Variants in FNBP1 observed in about 807,000 individuals in gnomAD.
FNBP1 encodes formin binding protein 1.
Under a neutral mutation model 90.6 loss-of-function variants are expected in FNBP1, and 26 were observed. The observed-to-expected ratio is 0.29, with a 90% CI of 0.21 to 0.40. FNBP1 has a LOEUF of 0.40. Among genes scored for constraint, FNBP1 ranks in the 10% least tolerant of loss-of-function variants. The pLI is 1.00. For missense variants in FNBP1, 635 were observed against 768.0 expected, an observed-to-expected ratio of 0.83 and a Z score of 2.05; for synonymous variants, 260 against 265.2, an observed-to-expected ratio of 0.98 and a Z score of 0.19.
In FNBP1 at chr9:129,890,866, G is replaced by A. The variant is rs938222542; in HGVS notation, c.1847-320C>T. Among the ~76,000 whole-genome samples the A allele has an allele frequency of 7.9e-5, 12 of 152,170 alleles. No homozygotes were observed. The highest frequency in any genetic ancestry group is 1.5e-4 in the Non-Finnish European group (10 of 68,030). ...TTAGTTTTGAGAGAAAGTAAGAAAC[G>A]GAGGCCGGGGCTGGGCGCCGTGGCT... On this transcript the variant is annotated intron_variant, in intron 16 of 16. Coordinates refer to ENST00000446176, the MANE Select transcript of FNBP1 (RefSeq NM_015033.3). The surrounding 1 kb of genome is among the most constrained non-coding windows in gnomAD (Gnocchi z 5.8).
chr9:130,034,219 A>G lies in FNBP1; in HGVS notation c.24+8733T>C, dbSNP rs1453481000. Reference sequence around the variant, plus strand: ...TCCCAGCTACTCGGGAGGTTGAAGCAGGAGGATCGCTTGAACTCGGGAGGC... The same window carrying G: ...TCCCAGCTACTCGGGAGGTTGAAGCGGGAGGATCGCTTGAACTCGGGAGGC... On this transcript the variant is annotated intron_variant, in intron 1 of 16. Coordinates refer to ENST00000446176, the MANE Select transcript of FNBP1 (RefSeq NM_015033.3). 2.6e-5 allele frequency among the ~76,000 whole-genome samples: 4 copies of G among 151,556 alleles called. No individual in the cohort carries two copies. In the Admixed American group the frequency reaches 2.6e-4, roughly 10 times the overall value.
At chr9:130,007,102 T>C (rs1443348606) in intron 1 of FNBP1, among the ~76,000 whole-genome samples, 1 of 148,586 alleles carries the variant, frequency 6.7e-6, no homozygotes, top group Non-Finnish European at 1.5e-5. Flanking sequence ...GTTAGCTGGG[T>C]GTGGTGGCGC....
chr9:129,947,627 CT>C (rs1001497590), intron 6 of FNBP1, among the ~76,000 whole-genome samples: 143 of 143,206 alleles, frequency 1.0e-3, no homozygotes, highest in Middle Eastern at 3.5e-3. Flanking sequence ...CAGTGAGTTA[CT>C]TTTTTTTTTT....
chr9:130,032,097 TCACACGTA>T (rs2058855226), intron 1 of FNBP1, among the ~76,000 whole-genome samples: 2 of 152,244 alleles, frequency 1.3e-5, no homozygotes, highest in South Asian at 4.1e-4. Flanking sequence ...CAGGGAGACT[TCACACGTA>T]CACCTTACTT....
intron 11 of FNBP1, chr9:129,914,794 TC>T (rs2131671885): frequency 6.1e-6 from 1 of 163,530 alleles, no homozygotes; most frequent in African/African-American, 2.7e-5. Flanking sequence ...TATATATATA[TC>T]TCACCATAAA....
At chr9:129,918,773 T>G (rs1432346639) in intron 10 of FNBP1, among the ~76,000 whole-genome samples, 1 of 152,032 alleles carries the variant, frequency 6.6e-6, no homozygotes, top group African/African-American at 2.4e-5. Context: ...TGCAGCTGTG[T>G]TTTATGCGTG....
chr9:129,985,597 A>G (rs927556402), intron 2 of FNBP1, among the ~76,000 whole-genome samples: 3 of 152,020 alleles, frequency 2.0e-5, no homozygotes, highest in East Asian at 1.9e-4. Flanking sequence ...GGGCAGGTCA[A>G]CTGGGGTCAG....
chr9:129,999,241 A>G (rs1193920921), intron 1 of FNBP1, among the ~76,000 whole-genome samples: 1 of 152,102 alleles, frequency 6.6e-6, no homozygotes, highest in East Asian at 1.9e-4. Context: ...TCAAAAATGC[A>G]TCCCTTCCTG....
At position 130,041,865 on chromosome 9, in the gene FNBP1, C is replaced by T. The variant is rs1438838830; in HGVS notation, c.24+1087G>A. Among the ~76,000 whole-genome samples the T allele has an allele frequency of 3.3e-5, 5 of 152,192 alleles. No individual in the cohort carries two copies. Among genetic ancestry groups the T allele is most frequent in the Admixed American group, 6.5e-5 (1 of 15,282 alleles). ...GATATGAGATTTCTTGGCCTCATCT[C>T]AGATAGCAACACCACCCTACACTTT... On this transcript the variant is annotated intron_variant, in intron 1 of 16. Transcript: ENST00000446176. This position sits in a 1 kb window ranked among gnomAD's most constrained non-coding sequence, Gnocchi z 4.3.
chr9:129,950,940 C>A (rs913394991), intron 6 of FNBP1, among the ~76,000 whole-genome samples: 1 of 148,804 alleles, frequency 6.7e-6, no homozygotes, highest in African/African-American at 2.5e-5. Flanking sequence ...ATTACAGGTG[C>A]AAACCATCAC....
At chr9:130,030,435 CAAAA>C (rs66826963) in intron 1 of FNBP1, among the ~76,000 whole-genome samples, 3 of 128,364 alleles carry the variant, frequency 2.3e-5, no homozygotes, top group Non-Finnish European at 5.0e-5. Context: ...ACTCCGTCTC[CAAAA>C]AAAAAAAAAA....
chr9:130,000,592 T>C (rs2131423595), intron 1 of FNBP1, among the ~76,000 whole-genome samples: 1 of 152,356 alleles, frequency 6.6e-6, no homozygotes, highest in Admixed American at 6.5e-5. Flanking sequence ...AATATTTTTT[T>C]TGAATCACAT....
chr9:129,921,404 T>C (rs12685796), intron 10 of FNBP1, among the ~76,000 whole-genome samples: 3 of 151,600 alleles, frequency 2.0e-5, no homozygotes, highest in Non-Finnish European at 4.4e-5. Context: ...TTTTTTTTTT[T>C]CTTTTTTGAG....
intron 2 of FNBP1, among the ~76,000 whole-genome samples, chr9:129,990,525 G>A (rs2052963445): frequency 1.3e-5 from 2 of 152,208 alleles, no homozygotes; most frequent in Non-Finnish European, 2.9e-5. Flanking sequence ...CAGCAGAGAG[G>A]AGGAGGAAGA....
chr9:130,028,906 T>C (rs1017284405), intron 1 of FNBP1, among the ~76,000 whole-genome samples: 12 of 152,166 alleles, frequency 7.9e-5, no homozygotes, highest in African/African-American at 2.9e-4. Flanking sequence ...CGACGCAATA[T>C]TAGATAATTA....
intron 8 of FNBP1, 77 bp downstream of exon 8, chr9:129,927,118 G>A (rs938556351): frequency 9.6e-6 from 14 of 1,456,460 alleles, no homozygotes; most frequent in Non-Finnish European, 1.2e-5. Context: ...GATGACATGA[G>A]GTCAAATGGA....
intron 4 of FNBP1, among the ~76,000 whole-genome samples, chr9:129,974,322 T>TC (rs2049973255): frequency 6.6e-6 from 1 of 152,076 alleles, no homozygotes; most frequent in East Asian, 1.9e-4. Context: ...CTTCCTGTGC[T>TC]CCAGGGTCCA....
intron 6 of FNBP1, among the ~76,000 whole-genome samples, chr9:129,934,323 G>A (rs1217075939): frequency 6.6e-6 from 1 of 152,166 alleles, no homozygotes; most frequent in Admixed American, 6.5e-5. Context: ...GATGTACAGA[G>A]AGTTGGCTTG....
intron 6 of FNBP1, among the ~76,000 whole-genome samples, chr9:129,945,391 T>C (rs1490883375): frequency 6.6e-6 from 1 of 152,140 alleles, no homozygotes; most frequent in Admixed American, 6.5e-5. Flanking sequence ...TAAAAAAAAA[T>C]GTTCTCTAAA....
Sources: allele counts gnomAD v4.1 joint callset (sites outside exome capture counted in the v4.1 genomes callset), GRCh38; gene constraint gnomAD v4.1.1; non-coding constraint Gnocchi (gnomAD v3.1); transcripts MANE v1.5; gene names NCBI Gene and HGNC (gene_info 2026-07-23, HGNC 2026-07-21).